The following MKKS variants were observed in gnomAD, a reference collection of about 807,000 sequenced individuals.
MKKS encodes the protein MKKS centrosomal shuttling protein.
A neutral mutation model predicts 33.2 loss-of-function variants in MKKS; 29 were observed. The observed-to-expected ratio is 0.87, with a 90% CI of 0.65 to 1.19. The LOEUF (loss-of-function observed/expected upper bound fraction) is 1.19. MKKS is among the 50% of genes most tolerant of loss of function. The pLI is 0.00. For synonymous variants in MKKS, 260 were observed against 244.0 expected (o/e 1.07, Z -0.61); for missense variants, 661 against 662.3 (o/e 1.00, Z 0.02).
In MKKS at chr20:10,407,623, C is replaced by T. The variant is rs754555322; in HGVS notation, c.1265G>A (p.Arg422Lys). The change falls in exon 5 of 6, where the codon AGA (arginine) becomes AAA (lysine). Residue 422 changes from arginine (R) to lysine (K), a missense_variant. Physicochemically the swap from Arg to Lys is conservative, Grantham distance 26. Coordinates refer to ENST00000347364, the MANE Select transcript of MKKS (RefSeq NM_170784.3). ...GAGGATTATCTTACATACCTTGTGT[C>T]TGATATATGCAGCCAAATGAGTTTC... ...CTETHLAAYI[R>K]HKTHNDPESI... The T allele has an allele frequency of 9.9e-6, 16 of 1,613,422 alleles. No homozygotes were observed. Among genetic ancestry groups the T allele is most frequent in the African/African-American group, 1.3e-5 (1 of 75,012 alleles).
intron 3 of MKKS, among the ~76,000 whole-genome samples, chr20:10,410,647 G>GT: frequency 6.6e-6 from 1 of 152,076 alleles, no homozygotes; most frequent in Non-Finnish European, 1.5e-5. Flanking sequence ...AAAAACCTCT[G>GT]TAAGCTGCAA....
rs779130798 is a variant in MKKS at position 10,412,887 on chromosome 20, T to C, written c.628A>G (p.Ile210Val). 6 of 1,614,118 alleles carry C rather than the reference T, an allele frequency of 3.7e-6. 1 individual carries two copies. Among genetic ancestry groups the C allele is most frequent in the South Asian group, 2.2e-5 (2 of 91,076 alleles). Residue 210 changes from isoleucine to valine, a missense_variant, in exon 3 of 6, where the codon ATA becomes GTA. By Grantham distance (29) the Ile-to-Val change is conservative. Transcript: ENST00000347364. ...ATCCCAGGTAATACAGTGGAATCTA[T>C]AACTCTTTGACCTTTTAAAGGTACA... ...LIVPLKGQRV[I>V]DSTVLPGILI...
At chr20:10,422,607 C>A (rs1355699447) in intron 1 of MKKS, among the ~76,000 whole-genome samples, 5 of 152,158 alleles carry the variant, frequency 3.3e-5, no homozygotes, top group Non-Finnish European at 5.9e-5. Flanking sequence ...TTGCAAACAC[C>A]TTAACTAAAG....
In MKKS at chr20:10,412,783, A is replaced by G. The variant is rs1335020103; in HGVS notation, c.732T>C (p.Phe244=). 3.1e-6 allele frequency: 5 copies of G among 1,614,214 alleles called. No homozygotes were observed. In the South Asian group the frequency reaches 4.4e-5, roughly 14 times the overall value. ...AAGTGTCTCCGGATAAAGTTGTACA[A>G]AAGAGTGCCACCTTGAGGGCAGTTG... ...KKSTALKVAL[F]CTTLSGDTSD... is the part of the protein sequence containing the mutation. The change falls in exon 3 of 6, where the codon TTT becomes TTC. Residue 244 remains phenylalanine (F), a synonymous_variant. Coordinates refer to ENST00000347364, the MANE Select transcript of MKKS (RefSeq NM_170784.3).
intron 2 of MKKS, among the ~76,000 whole-genome samples, chr20:10,418,755 T>C (rs1396100553): frequency 6.6e-6 from 1 of 152,188 alleles, no homozygotes; most frequent in Non-Finnish European, 1.5e-5. Context: ...GCCTCCAAAC[T>C]GTTAAGACAT....
chr20:10,408,848 G>C (rs1380437557), intron 3 of MKKS, 45 bp from the exon 4 acceptor site: 1 of 1,453,550 alleles, frequency 6.9e-7, no homozygotes, highest in East Asian at 2.3e-5. Flanking sequence ...AAGCAAAAGT[G>C]GAGCAAACAA....
At chr20:10,409,198 AT>A (rs35072167) in intron 3 of MKKS, among the ~76,000 whole-genome samples, 21,982 of 151,386 alleles carry the variant, frequency 0.15, 1,786 homozygotes, top group East Asian at 0.24. Flanking sequence ...GTGACAGGCT[AT>A]TTTTTTTTAA....
chr20:10,406,432 A>G (rs1250996439), intron 5 of MKKS, among the ~76,000 whole-genome samples: 5 of 152,186 alleles, frequency 3.3e-5, no homozygotes, highest in Admixed American at 2.6e-4. Flanking sequence ...CATAAATACC[A>G]TTGTGTTACA....
rs755050269 is a variant in MKKS, at chr20:10,413,052, G to A, written c.463C>T (p.Arg155Cys). 6.7e-5 allele frequency: 108 copies of A among 1,613,858 alleles called. 1 individual carries two copies. Among genetic ancestry groups the A allele is most frequent in the Middle Eastern group, 3.3e-4 (2 of 6,062 alleles). Residue 155 changes from arginine to cysteine, a missense_variant, in exon 3 of 6, where the codon CGT (arginine) becomes TGT (cysteine). Coordinates refer to ENST00000347364, the MANE Select transcript of MKKS (RefSeq NM_170784.3). ...GCAGGTTTACTTGTTAATATACTAC[G>A]CACCAAACAAAGGAGGATCTGAGTA... is the stretch of plus-strand genomic sequence containing the variant. ...SSTQILLCLV[R>C]SILTSKPACM...
Position 10,408,893 on chromosome 20 carries a change from A to G in MKKS, c.986-90T>C, listed in dbSNP as rs1458136938. 1.5e-5 allele frequency: 14 copies of G among 937,488 alleles called. No homozygotes were observed. The African/African-American group carries it at 1.8e-4, about 12-fold the overall frequency. 58.1% of individuals were successfully genotyped at this position (937,488 alleles called of 1,614,324 possible). A position where few individuals can be genotyped will look rare whatever the true frequency, so the allele number is the denominator to read the frequency against. On this transcript the variant is annotated intron_variant, in intron 3 of 5. Transcript: ENST00000347364. ...AGTATATTTATTCCTAGCCAACATAAAAGCCCCACAAGCATATAATTTAAA... is the reference window on the plus strand; with the variant it reads ...AGTATATTTATTCCTAGCCAACATAGAAGCCCCACAAGCATATAATTTAAA...
intron 2 of MKKS, among the ~76,000 whole-genome samples, chr20:10,417,417 C>A (rs914621078): frequency 7.2e-5 from 11 of 152,104 alleles, no homozygotes; most frequent in African/African-American, 2.7e-4. Flanking sequence ...TTGAGACCAG[C>A]CTGGGCAACA....
rs905429827 is a variant in MKKS at position 10,413,176 on chromosome 20, G to A, written c.339C>T (p.Pro113=). 3.7e-6 allele frequency: 6 copies of A among 1,614,098 alleles called. No homozygotes were observed. The highest frequency in any genetic ancestry group is 3.3e-5 in the Admixed American group (2 of 60,012). ...IENVQRLGLT[P]TTVIRLNKHL... ...GTTTATTTAATCTAATGACAGTGGTGGGTGTCAAGCCTAATCTCTGAACAT... is the reference window on the plus strand; with the variant it reads ...GTTTATTTAATCTAATGACAGTGGTAGGTGTCAAGCCTAATCTCTGAACAT... Residue 113 remains proline (P), a synonymous_variant, in exon 3 of 6, where the codon CCC becomes CCT. Coordinates refer to ENST00000347364, the MANE Select transcript of MKKS (RefSeq NM_170784.3).
At chr20:10,420,049 A>G (rs1600854311) in intron 2 of MKKS, among the ~76,000 whole-genome samples, 1 of 152,182 alleles carries the variant, frequency 6.6e-6, no homozygotes, top group East Asian at 1.9e-4. Flanking sequence ...AATTATGGAT[A>G]AGGGACTATA....
rs774340585 is a variant in MKKS at position 10,413,439 on chromosome 20, G to A, written c.76C>T (p.Leu26Phe). Residue 26 changes from leucine (L) to phenylalanine (F), a missense_variant, in exon 3 of 6, where the codon CTT becomes TTT. Leu to Phe is a conservative substitution (Grantham distance 22). Transcript: ENST00000347364. Reference protein sequence around the residue: ...PLTTERVRTTLSVLKRIVTSC... With the variant: ...PLTTERVRTTFSVLKRIVTSC... ...GTTACAATTCTTTTCAAGACAGAAA[G>A]TGTGGTCCTGACTCTCTCAGTTGTC... The A allele has an allele frequency of 1.2e-6, 2 of 1,613,788 alleles. No individual in the cohort carries two copies. Among genetic ancestry groups the A allele is most frequent in the Non-Finnish European group, 1.7e-6 (2 of 1,179,680 alleles).
rs923108602 is a variant in MKKS at position 10,420,570 on chromosome 20, C to T, written c.-460G>A. 3 of 152,202 alleles carry T rather than the reference C, an allele frequency of 2.0e-5. No homozygotes were observed. The highest frequency in any genetic ancestry group is 7.2e-5 in the African/African-American group (3 of 41,436). The allele number at this position is 152,202 out of a possible 1,614,324, so 9.4% of individuals were successfully genotyped here. A position where few individuals can be genotyped will look rare whatever the true frequency, so the allele number is the denominator to read the frequency against. ...GCTACTTCCCCTGGATTTGGCTCTT[C>T]TGAAGATTTGAAAGTCCCAGACTAT... On this transcript the variant is annotated 5_prime_UTR_variant, in exon 2 of 6. Transcript: ENST00000347364.
chr20:10,429,497 C>T (rs1051350637), intron 1 of MKKS, among the ~76,000 whole-genome samples: 4 of 152,184 alleles, frequency 2.6e-5, no homozygotes, highest in Non-Finnish European at 5.9e-5. Flanking sequence ...CACCTTTGAA[C>T]TAACCGTCCC....
chr20:10,422,768 GTGGTGCGA>G (rs1300590602), intron 1 of MKKS, among the ~76,000 whole-genome samples: 45 of 150,422 alleles, frequency 3.0e-4, no homozygotes, highest in African/African-American at 1.0e-3. Context: ...CTGTAGTGCA[GTGGTGCGA>G]TCTCAGCTCA....
rs2064972489 is a variant in MKKS, at chr20:10,420,527, C to T, written c.-418+1G>A. The T allele has an allele frequency of 6.6e-6, 1 of 152,126 alleles. No individual in the cohort carries two copies. Among genetic ancestry groups the T allele is most frequent in the South Asian group, 2.1e-4 (1 of 4,828 alleles). 9.4% of individuals were successfully genotyped at this position (152,126 alleles called of 1,614,324 possible). Reference sequence around the variant, plus strand: ...AACCAACCAGATTAAATGGAACTTACCTGAAGATTGCAAGCCTGCTACTTC... The same window carrying T: ...AACCAACCAGATTAAATGGAACTTATCTGAAGATTGCAAGCCTGCTACTTC... On this transcript the variant is annotated splice_donor_variant, in intron 2 of 5. Transcript: ENST00000347364. LOFTEE classifies it low-confidence loss of function (5UTR_SPLICE).
At chr20:10,430,981 G>A (rs146209623) in intron 1 of MKKS, among the ~76,000 whole-genome samples, 5 of 152,266 alleles carry the variant, frequency 3.3e-5, no homozygotes, top group African/African-American at 1.2e-4. Context: ...CCACAAATTA[G>A]TTATGGTCTT....
Sources: allele counts gnomAD v4.1 joint callset (sites outside exome capture counted in the v4.1 genomes callset), GRCh38; gene constraint gnomAD v4.1.1; transcripts MANE v1.5; gene names NCBI Gene and HGNC (gene_info 2026-07-23, HGNC 2026-07-21).